The following C13orf46 variants were observed in gnomAD, a reference collection of about 807,000 sequenced individuals.
C13orf46 encodes the protein chromosome 13 open reading frame 46.
intron 4 of C13orf46, among the ~76,000 whole-genome samples, chr13:113,967,906 G>A (rs1254535568): frequency 2.0e-5 from 3 of 152,144 alleles, no homozygotes; most frequent in Non-Finnish European, 2.9e-5. Context: ...GGCCTCCAAC[G>A]GGGCACCTGG....
chr13:113,966,756 T>A (rs1468445711), intron 5 of C13orf46, among the ~76,000 whole-genome samples: 1 of 151,980 alleles, frequency 6.6e-6, no homozygotes, highest in Non-Finnish European at 1.5e-5. Flanking sequence ...GGTTGTGATA[T>A]AATGATGGTG....
chr13:113,943,622 T>A, the C13orf46 span, among the ~76,000 whole-genome samples: 1 of 152,196 alleles, frequency 6.6e-6, no homozygotes, highest in African/African-American at 2.4e-5. Context: ...TGACCCCCGT[T>A]CCCGTCATGG....
Position 113,955,804 on chromosome 13 carries a change from CGGCGG to C in C13orf46, c.*964_*968del, listed in dbSNP as rs2052524840. On this transcript the variant is annotated 3_prime_UTR_variant, in exon 7 of 7. Transcript: ENST00000636427. ...GCAGCCGGCGGAGACGAGGAGCAGC[CGGCGG>C]AGACGAGGAGCAGCCGGTGGAGACG... 1 of 136,842 alleles carries C rather than the reference CGGCGG, an allele frequency of 7.3e-6. No individual in the cohort carries two copies. The highest frequency in any genetic ancestry group is 7.7e-5 in the Admixed American group (1 of 12,966). The allele number at this position is 136,842 out of a possible 1,614,324, so 8.5% of individuals were successfully genotyped here. A position where few individuals can be genotyped will look rare whatever the true frequency, so the allele number is the denominator to read the frequency against.
chr13:113,941,896 C>T, the C13orf46 span, among the ~76,000 whole-genome samples: 3 of 152,386 alleles, frequency 2.0e-5, no homozygotes, highest in South Asian at 6.2e-4. Flanking sequence ...CCTTCCTCTC[C>T]CCTTAGCACT....
chr13:113,936,806 AG>A, the C13orf46 span, among the ~76,000 whole-genome samples: 3 of 152,054 alleles, frequency 2.0e-5, no homozygotes, highest in Non-Finnish European at 4.4e-5. Context: ...TGACCGGTCC[AG>A]GGGGGGAAAT....
intron 1 of C13orf46, among the ~76,000 whole-genome samples, chr13:113,973,175 T>G (rs1169192738): frequency 6.6e-6 from 1 of 152,214 alleles, no homozygotes; most frequent in Non-Finnish European, 1.5e-5. Flanking sequence ...GCTGCAGAGA[T>G]AAACGGCCAC....
chr13:113,946,699 G>A, the C13orf46 span, among the ~76,000 whole-genome samples: 580 of 152,356 alleles, frequency 3.8e-3, 8 homozygotes, highest in East Asian at 0.037. Flanking sequence ...GTCAGGCCAC[G>A]CTGGCTGTTG....
At chr13:113,963,566 G>C (rs1358589007) in intron 6 of C13orf46, among the ~76,000 whole-genome samples, 1 of 128,588 alleles carries the variant, frequency 7.8e-6, no homozygotes, top group African/African-American at 2.9e-5. Flanking sequence ...CCAGTCCTCA[G>C]CCTCGCCCCT....
At chr13:113,950,004 C>T (rs1452960999), downstream of C13orf46, among the ~76,000 whole-genome samples, 1 of 151,200 alleles carries the variant, frequency 6.6e-6, no homozygotes, top group African/African-American at 2.4e-5. Context: ...GGGGTCCTCG[C>T]CCCCTGCCTC....
the C13orf46 span, among the ~76,000 whole-genome samples, chr13:113,938,953 G>A: frequency 1.3e-5 from 2 of 152,016 alleles, no homozygotes; most frequent in Non-Finnish European, 2.9e-5. Flanking sequence ...CAGCACCTGC[G>A]GCCTCCCTGG....
At chr13:113,951,572 C>T (rs2052488779), downstream of C13orf46, among the ~76,000 whole-genome samples, 1 of 151,002 alleles carries the variant, frequency 6.6e-6, no homozygotes, top group African/African-American at 2.4e-5. Flanking sequence ...CAGGCCCAGG[C>T]CCCAGCGCCT....
downstream of C13orf46, among the ~76,000 whole-genome samples, chr13:113,950,811 C>T (rs938377432): frequency 6.6e-6 from 1 of 152,202 alleles, no homozygotes; most frequent in African/African-American, 2.4e-5. Flanking sequence ...CTCCAGGGCA[C>T]GGGAGTCCTG....
chr13:113,960,477 G>A (rs1170636479), intron 6 of C13orf46, among the ~76,000 whole-genome samples: 7 of 152,146 alleles, frequency 4.6e-5, no homozygotes, highest in African/African-American at 1.4e-4. Flanking sequence ...TTTGCAGGTC[G>A]TGCGTGGCTG....
At chr13:113,934,265 T>C in the C13orf46 span, among the ~76,000 whole-genome samples, 1 of 152,190 alleles carries the variant, frequency 6.6e-6, no homozygotes, top group Non-Finnish European at 1.5e-5. Flanking sequence ...TGTTCCCAGG[T>C]TTTCGCTGTT....
intron 6 of C13orf46, among the ~76,000 whole-genome samples, chr13:113,958,664 C>T (rs1485064840): frequency 1.3e-5 from 2 of 152,250 alleles, no homozygotes; most frequent in Admixed American, 1.3e-4. Flanking sequence ...CGGGCGACAG[C>T]CTCAGTGCAC....
intron 1 of C13orf46, among the ~76,000 whole-genome samples, chr13:113,970,844 C>A (rs954485646): frequency 6.6e-6 from 1 of 152,198 alleles, no homozygotes; most frequent in Non-Finnish European, 1.5e-5. Flanking sequence ...AACATCAACT[C>A]GGGTGAGCGG....
chr13:113,939,313 A>G, the C13orf46 span, among the ~76,000 whole-genome samples: 5 of 152,112 alleles, frequency 3.3e-5, no homozygotes, highest in Non-Finnish European at 7.4e-5. Flanking sequence ...GGCAACCCAG[A>G]GCCAGAAGGG....
chr13:113,929,631 G>A, the C13orf46 span, among the ~76,000 whole-genome samples: 1 of 152,236 alleles, frequency 6.6e-6, no homozygotes, highest in Non-Finnish European at 1.5e-5. Flanking sequence ...GTGACCATGG[G>A]TGAAGTCGCG....
chr13:113,972,472 G>A (rs2052718001), intron 1 of C13orf46, among the ~76,000 whole-genome samples: 1 of 152,222 alleles, frequency 6.6e-6, no homozygotes, highest in Non-Finnish European at 1.5e-5. Flanking sequence ...CTTTGCGAAG[G>A]GGAGGCGGAG....
Sources: gnomAD v4.1 joint callset for allele counts (sites outside exome capture counted in the v4.1 genomes callset) on GRCh38, gnomAD v4.1.1 for gene constraint, MANE v1.5 for transcripts, NCBI Gene and HGNC (gene_info 2026-07-23, HGNC 2026-07-21) for gene names.